The following CNTNAP4 variants were observed in gnomAD, a reference collection of about 807,000 sequenced individuals.
The protein encoded by CNTNAP4 is contactin associated protein family member 4, also known as contactin-associated protein-like 4.
CNTNAP4 carries 98 observed loss-of-function variants against 148.4 expected under a neutral mutation model. That is an observed-to-expected ratio of 0.66 (90% CI 0.56 to 0.78). CNTNAP4 has a LOEUF of 0.78. Ranked by LOEUF, CNTNAP4 falls within the 30% of genes least tolerant of loss-of-function variation. The pLI, the probability that CNTNAP4 is intolerant of heterozygous loss-of-function variation, is 0.00. For synonymous variants in CNTNAP4, 730 were observed against 565.1 expected (o/e 1.29, Z -4.14); for missense variants, 1,935 against 1,565.6 (o/e 1.24, Z -3.98).
Position 76,489,820 on chromosome 16 carries a change from G to A in CNTNAP4, c.2017G>A (p.Ala673Thr), listed in dbSNP as rs142486971. 287 of 1,605,662 alleles carry A rather than the reference G, an allele frequency of 1.8e-4. No homozygotes were observed. Among genetic ancestry groups the A allele is most frequent in the Middle Eastern group, 1.7e-3 (10 of 6,050 alleles). Residue 673 changes from alanine (A) to threonine (T), a missense_variant, in exon 13 of 24, where the codon GCA (alanine) becomes ACA (threonine). Transcript: ENST00000611870. ...GCAACTTCAGGCCACTATTAACCGT[G>A]CAGAGCACTGTGAACAGGAGTTTAC... ...MEQLQATINR[A>T]EHCEQEFTYY...
chr16:76,514,993 A>G (rs1267633625), intron 15 of CNTNAP4, among the ~76,000 whole-genome samples: 1 of 152,216 alleles, frequency 6.6e-6, no homozygotes, highest in Non-Finnish European at 1.5e-5. Flanking sequence ...TTTTATATGC[A>G]TATAAAATTT....
intron 1 of CNTNAP4, among the ~76,000 whole-genome samples, chr16:76,293,183 G>T (rs1022572066): frequency 2.0e-5 from 3 of 151,524 alleles, no homozygotes; most frequent in African/African-American, 7.3e-5. Context: ...GGAGTGCAGT[G>T]GTGCAATCTC....
chr16:76,309,925 CTT>C, intron 1 of CNTNAP4: 1 of 701,654 alleles, frequency 1.4e-6, no homozygotes, highest in Non-Finnish European at 2.6e-6. Context: ...GGTTAAGTCT[CTT>C]TTTCTTCCCC....
chr16:76,293,977 C>G (rs1021658014), intron 1 of CNTNAP4, among the ~76,000 whole-genome samples: 2 of 152,084 alleles, frequency 1.3e-5, no homozygotes, highest in African/African-American at 4.8e-5. Flanking sequence ...GCAAGAGAGG[C>G]AAACAGAGAA....
At chr16:76,484,338 T>C (rs2081948841) in intron 12 of CNTNAP4, among the ~76,000 whole-genome samples, 1 of 148,796 alleles carries the variant, frequency 6.7e-6, no homozygotes, top group Admixed American at 6.7e-5. Flanking sequence ...AGGTGCTTCA[T>C]TCAGCAAGAT....
chr16:76,383,900 T>G (rs563221009), intron 3 of CNTNAP4, among the ~76,000 whole-genome samples: 2 of 152,166 alleles, frequency 1.3e-5, no homozygotes, highest in Non-Finnish European at 2.9e-5. Flanking sequence ...AATTCTGTTC[T>G]CTCTACTTGG....
chr16:76,410,673 G>A (rs1017065068), intron 3 of CNTNAP4, among the ~76,000 whole-genome samples: 4 of 151,574 alleles, frequency 2.6e-5, no homozygotes, highest in African/African-American at 9.7e-5. Context: ...TCTCTCTTTT[G>A]ACTTTCTCTA....
At chr16:76,515,723 G>GCA (rs1432262268) in intron 15 of CNTNAP4, among the ~76,000 whole-genome samples, 4 of 152,042 alleles carry the variant, frequency 2.6e-5, no homozygotes, top group African/African-American at 9.7e-5. Context: ...ATGATACCCA[G>GCA]CATCATCAAC....
intron 17 of CNTNAP4, among the ~76,000 whole-genome samples, chr16:76,523,745 C>T (rs759078471): frequency 1.2e-4 from 19 of 152,022 alleles, no homozygotes; most frequent in Admixed American, 3.9e-4. Flanking sequence ...GGAAACACAG[C>T]AAGATCCATC....
intron 1 of CNTNAP4, among the ~76,000 whole-genome samples, chr16:76,303,538 A>G (rs183884586): frequency 7.9e-5 from 12 of 152,302 alleles, no homozygotes; most frequent in Non-Finnish European, 1.6e-4. Flanking sequence ...TTAGGAGGAC[A>G]TTGTTGCTGT....
chr16:76,454,024 A>T (rs892150618), intron 8 of CNTNAP4, among the ~76,000 whole-genome samples: 4 of 151,566 alleles, frequency 2.6e-5, no homozygotes, highest in Admixed American at 6.6e-5. Flanking sequence ...AAGTGGTTAT[A>T]TTCATACCCT....
chr16:76,321,289 T>C (rs538784545), intron 2 of CNTNAP4, among the ~76,000 whole-genome samples: 4 of 152,352 alleles, frequency 2.6e-5, no homozygotes, highest in Admixed American at 2.6e-4. Context: ...AGAATAATTA[T>C]AGCAATCTAT....
At position 76,284,131 on chromosome 16, in the gene CNTNAP4, A is replaced by G. The variant is rs9929797; in HGVS notation, c.85+6384A>G. Among the ~76,000 whole-genome samples, 909 of 152,144 alleles carry G rather than the reference A, an allele frequency of 6.0e-3. 9 individuals carry two copies. Among genetic ancestry groups the G allele is most frequent in the African/African-American group, 0.021 (852 of 41,556 alleles). On this transcript the variant is annotated intron_variant, in intron 1 of 23. Transcript: ENST00000611870. ...GAATTTATCTATAATCATTGAAATT[A>G]TATTTTTCAAATTAACTAGTATGAT... is the stretch of plus-strand genomic sequence containing the variant.
chr16:76,348,857 CA>C (rs34687530), intron 2 of CNTNAP4, among the ~76,000 whole-genome samples: 27,851 of 147,910 alleles, frequency 0.19, 3,356 homozygotes, highest in East Asian at 0.47. Context: ...TAAAAGAAGC[CA>C]AAAAAAAAAA....
chr16:76,416,944 T>C (rs756931355), intron 3 of CNTNAP4, among the ~76,000 whole-genome samples: 1 of 151,480 alleles, frequency 6.6e-6, no homozygotes, highest in African/African-American at 2.4e-5. Flanking sequence ...TTGATCACTT[T>C]GTCTTTAGGA....
At chr16:76,511,878 A>G (rs991605054) in intron 15 of CNTNAP4, among the ~76,000 whole-genome samples, 5 of 151,920 alleles carry the variant, frequency 3.3e-5, no homozygotes, top group African/African-American at 4.8e-5. Context: ...ATCAATTGAA[A>G]TATGTGGTAC....
At chr16:76,392,926 C>T (rs181134836) in intron 3 of CNTNAP4, among the ~76,000 whole-genome samples, 1 of 152,198 alleles carries the variant, frequency 6.6e-6, no homozygotes, top group Non-Finnish European at 1.5e-5. Flanking sequence ...CTGCTTTATA[C>T]CTTGCCATGC....
At chr16:76,386,583 G>T (rs2016534206) in intron 3 of CNTNAP4, among the ~76,000 whole-genome samples, 1 of 152,050 alleles carries the variant, frequency 6.6e-6, no homozygotes, top group Non-Finnish European at 1.5e-5. Flanking sequence ...ATTTTCCAGA[G>T]CCTAACCTGG....
chr16:76,340,714 G>A (rs115232720), intron 2 of CNTNAP4, among the ~76,000 whole-genome samples: 2,364 of 152,248 alleles, frequency 0.016, 76 homozygotes, highest in African/African-American at 0.055. Flanking sequence ...CTTCTGTTTT[G>A]CTCACTTTCG....
Sources: allele counts gnomAD v4.1 joint callset (sites outside exome capture counted in the v4.1 genomes callset), GRCh38; gene constraint gnomAD v4.1.1; transcripts MANE v1.5; gene names NCBI Gene and HGNC (gene_info 2026-07-23, HGNC 2026-07-21).